The following SUZ12 variants were observed in gnomAD, a reference collection of about 807,000 sequenced individuals.
SUZ12 encodes the protein polycomb protein SUZ12.
Under a neutral mutation model 87.3 loss-of-function variants are expected in SUZ12, and 17 were observed. The ratio of observed to expected loss-of-function variants is 0.19; its 90% confidence interval spans 0.13 to 0.29. The LOEUF is 0.29. Among genes scored for constraint, SUZ12 ranks in the 10% least tolerant of loss-of-function variants. The pLI, the probability that SUZ12 is intolerant of heterozygous loss-of-function variation, is 1.00. For missense variants in SUZ12, 526 were observed against 912.2 expected, an observed-to-expected ratio of 0.58 and a Z score of 5.45; for synonymous variants, 253 against 312.4, an observed-to-expected ratio of 0.81 and a Z score of 2.01.
chr17:31,949,094 G>A (rs950583483), intron 4 of SUZ12, among the ~76,000 whole-genome samples: 1 of 152,076 alleles, frequency 6.6e-6, no homozygotes, highest in African/African-American at 2.4e-5. Flanking sequence ...ACCAACAACA[G>A]GAACACTGGA....
At chr17:31,939,282 CT>C (rs1906126211) in intron 1 of SUZ12, among the ~76,000 whole-genome samples, 1 of 152,020 alleles carries the variant, frequency 6.6e-6, no homozygotes, top group African/African-American at 2.4e-5. Flanking sequence ...TATTGACTGA[CT>C]TTTGAGTGCA....
At position 31,947,785 on chromosome 17, in the gene SUZ12, G is replaced by A. The variant is rs541203934; in HGVS notation, c.455+100G>A. ...GTGATCACCTTGATATAAGGAGTTA[G>A]AAGGAATCTTAGAGGTCAGTTTGGT... On this transcript the variant is annotated intron_variant, in intron 4 of 15. Coordinates refer to ENST00000322652, the MANE Select transcript of SUZ12 (RefSeq NM_015355.4). 7 of 1,280,778 alleles carry A rather than the reference G, an allele frequency of 5.5e-6. No homozygotes were observed. In the Admixed American group the frequency reaches 1.2e-4, roughly 22 times the overall value. 79.3% of individuals were successfully genotyped at this position (1,280,778 alleles called of 1,614,324 possible).
chr17:31,980,225 G>C (rs1909015836), intron 8 of SUZ12, among the ~76,000 whole-genome samples: 1 of 151,664 alleles, frequency 6.6e-6, no homozygotes. Flanking sequence ...CCTTTCCCTA[G>C]CTTTGATATT....
chr17:31,955,943 G>A (rs553196656), intron 4 of SUZ12, among the ~76,000 whole-genome samples: 4 of 151,376 alleles, frequency 2.6e-5, no homozygotes, highest in South Asian at 2.1e-4. Context: ...ATGGAGTCTC[G>A]CTCTGTCGCC....
Position 31,937,212 on chromosome 17 carries a change from CG to C in SUZ12, c.-32del. On this transcript the variant is annotated 5_prime_UTR_variant, in exon 1 of 16. Coordinates refer to ENST00000322652, the MANE Select transcript of SUZ12 (RefSeq NM_015355.4). Reference sequence around the variant, plus strand: ...GCGCTTGCTCTCCGGGGCCGCCCGGCGGGTAGCTGGCGGGGGGAGGAGGCAG... The same window carrying C: ...GCGCTTGCTCTCCGGGGCCGCCCGGCGGTAGCTGGCGGGGGGAGGAGGCAG... The C allele has an allele frequency of 7.2e-7, 1 of 1,395,942 alleles. No individual in the cohort carries two copies. The highest frequency in any genetic ancestry group is 9.2e-7 in the Non-Finnish European group (1 of 1,085,602). 86.5% of individuals were successfully genotyped at this position (1,395,942 alleles called of 1,614,324 possible). A position where few individuals can be genotyped will look rare whatever the true frequency, so the allele number is the denominator to read the frequency against.
At chr17:31,978,829 C>T (rs906747573) in intron 8 of SUZ12, among the ~76,000 whole-genome samples, 4 of 152,068 alleles carry the variant, frequency 2.6e-5, no homozygotes, top group Admixed American at 1.3e-4. Flanking sequence ...AATATTCACC[C>T]GGGCATGGTG....
intron 4 of SUZ12, among the ~76,000 whole-genome samples, chr17:31,954,398 T>C (rs1428027359): frequency 1.3e-5 from 2 of 152,146 alleles, no homozygotes; most frequent in African/African-American, 4.8e-5. Context: ...TTTGAATTAG[T>C]AACCTTCCTT....
chr17:31,994,130 T>G, intron 12 of SUZ12, 122 bp downstream of exon 12: 4 of 897,668 alleles, frequency 4.5e-6, no homozygotes, highest in Non-Finnish European at 6.4e-6. Context: ...ATGCATTAAG[T>G]ACAAGATAGC....
chr17:31,977,139 G>A (rs1396586902), intron 8 of SUZ12, among the ~76,000 whole-genome samples: 3 of 152,160 alleles, frequency 2.0e-5, no homozygotes, highest in Non-Finnish European at 2.9e-5. Context: ...AGCTGGTCAT[G>A]GTGGTATGTA....
At chr17:31,975,460 T>C in intron 6 of SUZ12, 22 bp from the exon 7 acceptor site, 5 of 1,493,720 alleles carry the variant, frequency 3.3e-6, no homozygotes, top group South Asian at 1.3e-5. Context: ...TAAATATAAA[T>C]TAATAATGTT....
intron 8 of SUZ12, among the ~76,000 whole-genome samples, chr17:31,981,545 C>T (rs1185324710): frequency 6.6e-6 from 1 of 152,164 alleles, no homozygotes; most frequent in Non-Finnish European, 1.5e-5. Flanking sequence ...TATGTAAAAG[C>T]ATAAGGAAGC....
intron 5 of SUZ12, among the ~76,000 whole-genome samples, chr17:31,969,736 C>G (rs927616037): frequency 1.2e-4 from 18 of 152,054 alleles, no homozygotes; most frequent in African/African-American, 4.3e-4. Flanking sequence ...AAACCAACAT[C>G]AAGTTCTCTA....
intron 10 of SUZ12, among the ~76,000 whole-genome samples, chr17:31,992,240 T>A (rs1371154938): frequency 6.6e-6 from 1 of 151,880 alleles, no homozygotes; most frequent in Non-Finnish European, 1.5e-5. Flanking sequence ...TGCAGTGAGC[T>A]GAGATTGTGC....
intron 4 of SUZ12, among the ~76,000 whole-genome samples, chr17:31,956,447 C>G (rs1907342691): frequency 6.6e-6 from 1 of 152,192 alleles, no homozygotes; most frequent in African/African-American, 2.4e-5. Context: ...CCTCAACCTC[C>G]CAAACTGCTG....
rs750376154 is a variant in SUZ12 at position 31,993,244 on chromosome 17, G to A, written c.1204G>A (p.Val402Ile). The A allele has an allele frequency of 2.6e-6, 4 of 1,566,820 alleles. No homozygotes were observed. The African/African-American group carries it at 4.2e-5, about 16-fold the overall frequency. The change falls in exon 11 of 16, where the codon GTT (valine) becomes ATT (isoleucine). Residue 402 changes from valine (V) to isoleucine (I), a missense_variant and splice_region_variant. Physicochemically the swap from Val to Ile is conservative, Grantham distance 29 (BLOSUM62 3). This residue lies in a region of SUZ12 where 85 missense variants were observed against 87.4 expected (regional missense o/e 0.97). Coordinates refer to ENST00000322652, the MANE Select transcript of SUZ12 (RefSeq NM_015355.4). ...GSVKPTQTIA[V>I]KESLTTDLQT... ...AATATAAAAGTGTATGTTTTCAGCT[G>A]TTAAAGAATCATTGACTACAGATCT...
At chr17:31,976,304 A>G (rs1443371737) in intron 7 of SUZ12, among the ~76,000 whole-genome samples, 1 of 152,262 alleles carries the variant, frequency 6.6e-6, no homozygotes, top group Admixed American at 6.5e-5. Context: ...CAGAAACATT[A>G]GCATTTGCAA....
rs111981667 is a variant in SUZ12, at chr17:31,993,220, A to C, written c.1202-22A>C. On this transcript the variant is annotated intron_variant, in intron 10 of 15. Transcript: ENST00000322652. ...TTTTCAAAAGCAATGTTTTTATTGAATATAAAAGTGTATGTTTTCAGCTGT... is the reference window on the plus strand; with the variant it reads ...TTTTCAAAAGCAATGTTTTTATTGACTATAAAAGTGTATGTTTTCAGCTGT... The C allele has an allele frequency of 1.2e-3, 1,733 of 1,479,896 alleles. 13 individuals carry two copies. In the African/African-American group the frequency reaches 0.022, roughly 19 times the overall value. The allele number at this position is 1,479,896 out of a possible 1,614,324, so 91.7% of individuals were successfully genotyped here. A position where few individuals can be genotyped will look rare whatever the true frequency, so the allele number is the denominator to read the frequency against.
At chr17:31,968,422 G>A (rs1908221387) in intron 5 of SUZ12, among the ~76,000 whole-genome samples, 1 of 152,016 alleles carries the variant, frequency 6.6e-6, no homozygotes, top group Admixed American at 6.6e-5. Context: ...TGTTAAGATG[G>A]AATCTCACTA....
At chr17:31,984,782 G>A (rs1030833126) in intron 9 of SUZ12, among the ~76,000 whole-genome samples, 2 of 152,134 alleles carry the variant, frequency 1.3e-5, no homozygotes, top group African/African-American at 2.4e-5. Flanking sequence ...TTGAGAGTTC[G>A]ACAAAGATTA....
Sources: allele counts gnomAD v4.1 joint callset (sites outside exome capture counted in the v4.1 genomes callset), GRCh38; gene constraint gnomAD v4.1.1; regional missense constraint gnomAD v4.1.1; transcripts MANE v1.5; gene names NCBI Gene and HGNC (gene_info 2026-07-23, HGNC 2026-07-21).